ZGPAT: variants seen among roughly 807,000 people sequenced by gnomAD.
ZGPAT encodes zinc finger CCCH-type and G-patch domain containing.
In ZGPAT, 39 loss-of-function variants were observed where a neutral mutation model predicts 47.9. The ratio of observed to expected loss-of-function variants is 0.81; its 90% CI spans 0.63 to 1.06. ZGPAT has a LOEUF of 1.06. ZGPAT is among the 50% of genes least tolerant of loss of function. The pLI, the probability that ZGPAT is intolerant of heterozygous loss-of-function variation, is 0.00. For missense variants in ZGPAT, 717 were observed against 681.4 expected (o/e 1.05, Z -0.58); for synonymous variants, 348 against 292.9 (o/e 1.19, Z -1.92).
chr20:63,722,767 G>C (rs2091801374), intron 2 of ZGPAT, among the ~76,000 whole-genome samples: 1 of 151,838 alleles, frequency 6.6e-6, no homozygotes, highest in African/African-American at 2.4e-5. Flanking sequence ...TGAGTAGCTG[G>C]GACTACAGGC....
intron 2 of ZGPAT, among the ~76,000 whole-genome samples, chr20:63,725,688 C>G (rs2091837903): frequency 1.4e-5 from 2 of 147,604 alleles, no homozygotes; most frequent in Non-Finnish European, 1.5e-5. Flanking sequence ...ATCATTTCAA[C>G]AAATTTTTTT....
chr20:63,709,681 T>G (rs73139727), intron 2 of ZGPAT, among the ~76,000 whole-genome samples: 5,535 of 151,714 alleles, frequency 0.036, 211 homozygotes, highest in Non-Finnish European at 0.045. Context: ...TTTTGGTGGT[T>G]GTTTTAATTT....
At position 63,709,096 on chromosome 20, in the gene ZGPAT, C is replaced by G. The variant is rs146548719; in HGVS notation, c.516C>G (p.Pro172=). 98 of 1,613,214 alleles carry G rather than the reference C, an allele frequency of 6.1e-5. No homozygotes were observed. Among genetic ancestry groups the G allele is most frequent in the Non-Finnish European group, 7.8e-5 (92 of 1,180,042 alleles). ...GTGTCCGTGTGCTTTACCTGTACCC[C>G]ACTCACAAGTCTCTGAAGCCGTGCC... is the stretch of plus-strand genomic sequence containing the variant. ...SAGVRVLYLY[P]THKSLKPCPF... is the part of the protein sequence containing the mutation. Residue 172 remains proline, a synonymous_variant, in exon 2 of 7, where the codon CCC becomes CCG. Coordinates refer to ENST00000355969, the MANE Select transcript of ZGPAT (RefSeq NM_181485.3).
intron 2 of ZGPAT, among the ~76,000 whole-genome samples, chr20:63,717,292 A>G (rs1368653169): frequency 7.8e-6 from 1 of 129,020 alleles, no homozygotes; most frequent in African/African-American, 2.9e-5. Flanking sequence ...TTTTCAAGGT[A>G]TACAGTTAAG....
At chr20:63,727,228 A>ATTTTTTTTT (rs11476997) in intron 2 of ZGPAT, among the ~76,000 whole-genome samples, 1 of 140,076 alleles carries the variant, frequency 7.1e-6, no homozygotes. Context: ...TTTCCATTTG[A>ATTTTTTTTT]TTTTTTTTTT....
chr20:63,735,769 GC>G lies in ZGPAT; in HGVS notation c.1398-8del, dbSNP rs767375905. On this transcript the variant is annotated splice_polypyrimidine_tract_variant and intron_variant, in intron 6 of 6. Transcript: ENST00000355969. ...CCCAGGACCCCACGCTGACTAGTGA[GC>G]CCCTCCGCAGGCATAGCGTGGCGTC... The G allele has an allele frequency of 1.0e-4, 159 of 1,587,662 alleles. No individual in the cohort carries two copies. Among genetic ancestry groups the G allele is most frequent in the Non-Finnish European group, 1.3e-4 (155 of 1,168,212 alleles).
chr20:63,726,947 C>T (rs964315426), intron 2 of ZGPAT, among the ~76,000 whole-genome samples: 3 of 152,044 alleles, frequency 2.0e-5, no homozygotes, highest in African/African-American at 7.3e-5. Flanking sequence ...CACCATCATG[C>T]TCCCTCACCA....
At chr20:63,725,028 A>G (rs1354284835) in intron 2 of ZGPAT, among the ~76,000 whole-genome samples, 2 of 134,750 alleles carry the variant, frequency 1.5e-5, no homozygotes, top group African/African-American at 5.6e-5. Context: ...CTTGTTTCCC[A>G]GGCTGGAGTG....
chr20:63,731,668 T>C (rs1422915010), intron 2 of ZGPAT, among the ~76,000 whole-genome samples: 1 of 144,640 alleles, frequency 6.9e-6, no homozygotes, highest in Non-Finnish European at 1.5e-5. Context: ...CTGTGTGTGA[T>C]TGTGTGTGCA....
chr20:63,713,701 C>T (rs1018582141), intron 2 of ZGPAT, among the ~76,000 whole-genome samples: 2 of 150,874 alleles, frequency 1.3e-5, no homozygotes, highest in Non-Finnish European at 3.0e-5. Flanking sequence ...TGAAATCCAG[C>T]CTCTATTAAA....
chr20:63,723,045 A>G (rs1471472474), intron 2 of ZGPAT, among the ~76,000 whole-genome samples: 1 of 151,750 alleles, frequency 6.6e-6, no homozygotes, highest in East Asian at 1.9e-4. Flanking sequence ...ACATAGTTCC[A>G]TCCTCCCTCC....
Position 63,735,465 on chromosome 20 carries a change from G to A in ZGPAT, c.1298G>A (p.Arg433Gln), listed in dbSNP as rs754234486. 13 of 1,562,760 alleles carry A rather than the reference G, an allele frequency of 8.3e-6. No individual in the cohort carries two copies. Among genetic ancestry groups the A allele is most frequent in the East Asian group, 4.5e-5 (2 of 44,384 alleles). Residue 433 changes from arginine to glutamine, a missense_variant, in exon 6 of 7, where the codon CGG becomes CAG. Physicochemically the swap from Arg to Gln is conservative, Grantham distance 43 (BLOSUM62 1). Coordinates refer to ENST00000355969, the MANE Select transcript of ZGPAT (RefSeq NM_181485.3). ...DMYHASKSAK[R>Q]ALSLRLFQTE... ...TACCATGCCAGCAAGAGTGCCAAGCGGGCCCTGAGCCTGCGGCTCTTCCAG... is the reference window on the plus strand; with the variant it reads ...TACCATGCCAGCAAGAGTGCCAAGCAGGCCCTGAGCCTGCGGCTCTTCCAG...
At chr20:63,712,494 G>A (rs2091678941) in intron 2 of ZGPAT, among the ~76,000 whole-genome samples, 1 of 152,192 alleles carries the variant, frequency 6.6e-6, no homozygotes, top group Non-Finnish European at 1.5e-5. Flanking sequence ...AATTTCATAT[G>A]AATTTTAGGA....
At chr20:63,715,081 T>C (rs1479405419) in intron 2 of ZGPAT, among the ~76,000 whole-genome samples, 1 of 152,062 alleles carries the variant, frequency 6.6e-6, no homozygotes, top group African/African-American at 2.4e-5. Flanking sequence ...CGCATATTCA[T>C]GGCGTATTAT....
At chr20:63,714,243 C>T (rs746240056) in intron 2 of ZGPAT, among the ~76,000 whole-genome samples, 21 of 151,746 alleles carry the variant, frequency 1.4e-4, no homozygotes, top group Non-Finnish European at 1.8e-4. Context: ...CTGGCCAACA[C>T]GGCGAAACCC....
chr20:63,725,279 C>T (rs568357153), intron 2 of ZGPAT, among the ~76,000 whole-genome samples: 33 of 152,320 alleles, frequency 2.2e-4, no homozygotes, highest in South Asian at 1.0e-3. Flanking sequence ...CCACCGCGCC[C>T]GGCTAGAATT....
chr20:63,733,700 TCAGA>T lies in ZGPAT; in HGVS notation c.836_839del (p.Asp279AlafsTer37), dbSNP rs771075473. ...GCGCACAGAGGCCACAGAGTCCGACTCAGACAGCGACGGTACGGGTGACTCCAGC... is the reference window on the plus strand; with the variant it reads ...GCGCACAGAGGCCACAGAGTCCGACTCAGCGACGGTACGGGTGACTCCAGC... On this transcript the variant is annotated frameshift_variant, in exon 4 of 7. Transcript: ENST00000355969. LOFTEE classifies it high-confidence loss of function. 3.7e-6 allele frequency: 6 copies of T among 1,613,900 alleles called. No individual in the cohort carries two copies. The highest frequency in any genetic ancestry group is 2.2e-5 in the East Asian group (1 of 44,888).
rs761751768 is a variant in ZGPAT at position 63,708,569 on chromosome 20, C to G, written c.-12C>G. ...TTCTTGCAGCCCTGGTCCAGCGCCT[C>G]CCTCTCTCAGCATGGACGAGGAGAG... On this transcript the variant is annotated 5_prime_UTR_variant, in exon 2 of 7. Transcript: ENST00000355969. The G allele has an allele frequency of 6.3e-7, 1 of 1,575,598 alleles. No homozygotes were observed. Among genetic ancestry groups the G allele is most frequent in the African/African-American group, 1.4e-5 (1 of 73,914 alleles).
chr20:63,723,405 TCC>T (rs2091810078), intron 2 of ZGPAT, among the ~76,000 whole-genome samples: 2 of 142,642 alleles, frequency 1.4e-5, no homozygotes, highest in Admixed American at 7.0e-5. Flanking sequence ...AGCTCCATCC[TCC>T]CTTCTCCTAT....
Sources: allele counts gnomAD v4.1 joint callset (sites outside exome capture counted in the v4.1 genomes callset), GRCh38; gene constraint gnomAD v4.1.1; transcripts MANE v1.5; gene names NCBI Gene and HGNC (gene_info 2026-07-23, HGNC 2026-07-21).